Variants in MCTP2 observed in about 807,000 individuals in gnomAD.
The protein encoded by MCTP2 is multiple C2 and transmembrane domain containing 2.
Under a neutral mutation model 111.6 loss-of-function variants are expected in MCTP2, and 132 were observed. The ratio of observed to expected loss-of-function variants is 1.18; its 90% CI spans 1.03 to 1.37. MCTP2 has a LOEUF of 1.37. Ranked by LOEUF, MCTP2 falls within the 40% of genes most tolerant of loss-of-function variation. MCTP2 has a pLI of 0.00. For missense variants in MCTP2, 1,183 were observed against 1,067.9 expected (o/e 1.11, Z -1.50); for synonymous variants, 395 against 387.7 (o/e 1.02, Z -0.22).
At chr15:94,455,509 C>T (rs1290143887) in intron 19 of MCTP2, among the ~76,000 whole-genome samples, 1 of 151,980 alleles carries the variant, frequency 6.6e-6, no homozygotes, top group Admixed American at 6.6e-5. Flanking sequence ...GCCATCTGGG[C>T]TCACTGCAAC....
intron 1 of MCTP2, among the ~76,000 whole-genome samples, chr15:94,250,999 A>G (rs1435263204): frequency 1.3e-5 from 2 of 152,236 alleles, no homozygotes; most frequent in African/African-American, 4.8e-5. Context: ...ACTATGGAAG[A>G]TGATTAGATA....
intron 21 of MCTP2, chr15:94,476,376 G>T (rs2074352410): frequency 5.5e-6 from 1 of 182,010 alleles, no homozygotes; most frequent in Non-Finnish European, 1.1e-5. Context: ...CTGCTGCTGG[G>T]ATTGTAATGG....
At chr15:94,388,602 G>A (rs1195960245) in intron 14 of MCTP2, among the ~76,000 whole-genome samples, 1 of 152,118 alleles carries the variant, frequency 6.6e-6, no homozygotes, top group African/African-American at 2.4e-5. Flanking sequence ...TAGAGGATGT[G>A]TTTTAACCTA....
chr15:94,407,183 GTTATA>G lies in MCTP2; in HGVS notation c.2085+5169_2085+5173del, dbSNP rs2081943478. Among the ~76,000 whole-genome samples the G allele has an allele frequency of 2.6e-5, 4 of 152,084 alleles. 1 individual carries two copies. The highest frequency in any genetic ancestry group is 9.6e-5 in the African/African-American group (4 of 41,502). On this transcript the variant is annotated intron_variant, in intron 17 of 22. Transcript: ENST00000357742. ...AATGTTGTCTATTAAAAGTCCTAAAGTTATATTATTATATAAATGCATTTTTCATA... is the reference window on the plus strand; with the variant it reads ...AATGTTGTCTATTAAAAGTCCTAAAGTTATTATATAAATGCATTTTTCATA...
intron 16 of MCTP2, among the ~76,000 whole-genome samples, chr15:94,401,396 C>T (rs2081581377): frequency 6.6e-6 from 1 of 152,152 alleles, no homozygotes; most frequent in African/African-American, 2.4e-5. Flanking sequence ...AACTCCAATC[C>T]CTTCCCAGAA....
chr15:94,444,631 G>A (rs2084013884), intron 19 of MCTP2, among the ~76,000 whole-genome samples: 1 of 152,182 alleles, frequency 6.6e-6, no homozygotes, highest in Non-Finnish European at 1.5e-5. Context: ...TTTAGGAACT[G>A]AGGACCAAAC....
At chr15:94,410,665 T>A (rs150832511) in intron 17 of MCTP2, among the ~76,000 whole-genome samples, 1 of 152,230 alleles carries the variant, frequency 6.6e-6, no homozygotes, top group Non-Finnish European at 1.5e-5. Flanking sequence ...TTTAGTATAT[T>A]GCAAGCTGCA....
chr15:94,452,542 T>G (rs1018470948), intron 19 of MCTP2, among the ~76,000 whole-genome samples: 1 of 152,188 alleles, frequency 6.6e-6, no homozygotes, highest in Non-Finnish European at 1.5e-5. Flanking sequence ...ACTATAAACC[T>G]GATAAACTAT....
At chr15:94,470,117 A>T (rs2073791475) in intron 20 of MCTP2, among the ~76,000 whole-genome samples, 1 of 152,140 alleles carries the variant, frequency 6.6e-6, no homozygotes. Context: ...ATTCTGACAA[A>T]TTGAATGGCA....
At chr15:94,243,971 A>G (rs1296826110) in intron 1 of MCTP2, among the ~76,000 whole-genome samples, 1 of 146,904 alleles carries the variant, frequency 6.8e-6, no homozygotes, top group Non-Finnish European at 1.5e-5. Context: ...ACACACACAT[A>G]TGTATACACA....
intron 1 of MCTP2, chr15:94,278,074 T>C (rs1321896816): frequency 2.0e-5 from 3 of 152,140 alleles, no homozygotes; most frequent in Non-Finnish European, 4.4e-5. Context: ...GAAAATATCA[T>C]GAAGCTGTCA....
chr15:94,294,604 T>C (rs983908117), intron 1 of MCTP2, among the ~76,000 whole-genome samples: 1 of 152,256 alleles, frequency 6.6e-6, no homozygotes, highest in Non-Finnish European at 1.5e-5. Flanking sequence ...ACACATTCTT[T>C]AGAGATGCAA....
chr15:94,262,542 A>C (rs1225654006), intron 1 of MCTP2, among the ~76,000 whole-genome samples: 1 of 152,226 alleles, frequency 6.6e-6, no homozygotes, highest in African/African-American at 2.4e-5. Context: ...TCGATTTAGT[A>C]TACATTTAAA....
chr15:94,293,895 G>A (rs1032711991), intron 1 of MCTP2, among the ~76,000 whole-genome samples: 4 of 152,222 alleles, frequency 2.6e-5, no homozygotes, highest in East Asian at 1.9e-4. Flanking sequence ...ACATATATTC[G>A]TACACAAAAA....
chr15:94,391,287 A>G (rs943515238), intron 14 of MCTP2, among the ~76,000 whole-genome samples: 1 of 151,984 alleles, frequency 6.6e-6, no homozygotes, highest in Non-Finnish European at 1.5e-5. Context: ...AATTAACTCT[A>G]TTGCCCAAGT....
intron 19 of MCTP2, among the ~76,000 whole-genome samples, chr15:94,457,142 T>C (rs970841898): frequency 1.3e-5 from 2 of 152,160 alleles, no homozygotes; most frequent in East Asian, 1.9e-4. Flanking sequence ...TAAGAACTAT[T>C]TGAGGTTTTA....
At chr15:94,435,832 C>T (rs898200199) in intron 17 of MCTP2, among the ~76,000 whole-genome samples, 1 of 149,954 alleles carries the variant, frequency 6.7e-6, no homozygotes, top group Non-Finnish European at 1.5e-5. Flanking sequence ...GGGGTTTCAC[C>T]GTTTTAGCCG....
At chr15:94,321,066 A>G (rs926422137) in intron 4 of MCTP2, among the ~76,000 whole-genome samples, 1 of 152,226 alleles carries the variant, frequency 6.6e-6, no homozygotes, top group African/African-American at 2.4e-5. Flanking sequence ...GTCAGGCACA[A>G]AAAGACAAAT....
At chr15:94,467,818 A>G (rs954852595) in intron 20 of MCTP2, among the ~76,000 whole-genome samples, 7 of 152,196 alleles carry the variant, frequency 4.6e-5, no homozygotes, top group Admixed American at 4.6e-4. Flanking sequence ...TTGCCCTCCA[A>G]AAAGTTCTGT....
Sources: allele counts gnomAD v4.1 joint callset (sites outside exome capture counted in the v4.1 genomes callset), GRCh38; gene constraint gnomAD v4.1.1; transcripts MANE v1.5; gene names NCBI Gene and HGNC (gene_info 2026-07-23, HGNC 2026-07-21).